Variants in SLC60A2 observed in about 807,000 individuals in gnomAD.
SLC60A2 encodes solute carrier family 60 member 2, also known as major facilitator superfamily domain containing 4B.
chr6:111,263,818 C>T, the SLC60A2 span: 16 of 1,474,030 alleles, frequency 1.1e-5, no homozygotes, highest in Non-Finnish European at 1.4e-5. Flanking sequence ...AGCTGAGTTT[C>T]TACCTTCCCA....
the SLC60A2 span, chr6:111,268,882 C>CAT: frequency 1.3e-5 from 2 of 152,130 alleles, no homozygotes; most frequent in African/African-American, 2.4e-5. Context: ...AAGGGTACTT[C>CAT]ATATATATGT....
the SLC60A2 span, chr6:111,277,895 G>C: frequency 2.0e-5 from 3 of 152,186 alleles, no homozygotes; most frequent in African/African-American, 7.2e-5. Context: ...GTCCAGCCAA[G>C]AGAATATATT....
the SLC60A2 span, among the ~76,000 whole-genome samples, chr6:111,264,798 A>G: frequency 6.6e-6 from 1 of 151,746 alleles, no homozygotes; most frequent in Non-Finnish European, 1.5e-5. Context: ...AAAAAAAAAA[A>G]AAAAACCTAC....
the SLC60A2 span, chr6:111,266,680 T>C: frequency 3.1e-6 from 5 of 1,614,210 alleles, no homozygotes; most frequent in East Asian, 4.5e-5. Context: ...CCTGCAGTCA[T>C]TGGAATTCTT....
the SLC60A2 span, among the ~76,000 whole-genome samples, chr6:111,276,218 G>A: frequency 2.0e-5 from 3 of 152,088 alleles, no homozygotes; most frequent in Admixed American, 6.5e-5. Flanking sequence ...TTGTTAATAC[G>A]CTGCTGTGAA....
chr6:111,269,409 A>G, the SLC60A2 span: 1 of 152,382 alleles, frequency 6.6e-6, no homozygotes, highest in East Asian at 1.9e-4. Flanking sequence ...CATGTTACCT[A>G]GGCTGATCTC....
At chr6:111,272,636 C>G in the SLC60A2 span, among the ~76,000 whole-genome samples, 6 of 151,536 alleles carry the variant, frequency 4.0e-5, no homozygotes, top group Non-Finnish European at 8.8e-5. Context: ...CTCAGCCACC[C>G]AAGTAGCTGG....
At chr6:111,275,399 C>T in the SLC60A2 span, among the ~76,000 whole-genome samples, 1 of 150,436 alleles carries the variant, frequency 6.6e-6, no homozygotes, top group African/African-American at 2.5e-5. Flanking sequence ...TGGCTTTTAG[C>T]TCAGAACAAC....
the SLC60A2 span, chr6:111,266,102 G>T: frequency 1.9e-6 from 3 of 1,613,980 alleles, no homozygotes; most frequent in Admixed American, 3.3e-5. Context: ...CTAATGATAA[G>T]AATTTACTGT....
At chr6:111,262,957 G>A in the SLC60A2 span, among the ~76,000 whole-genome samples, 3 of 151,684 alleles carry the variant, frequency 2.0e-5, no homozygotes, top group Non-Finnish European at 1.5e-5. Flanking sequence ...TTTTGAGACA[G>A]GGTCTCCTCT....
chr6:111,269,031 A>G, the SLC60A2 span: 11 of 152,128 alleles, frequency 7.2e-5, no homozygotes, highest in African/African-American at 2.7e-4. Context: ...TAATTTCTAT[A>G]AATTTGCCAT....
the SLC60A2 span, among the ~76,000 whole-genome samples, chr6:111,273,112 G>C: frequency 1.3e-5 from 2 of 152,134 alleles, no homozygotes; most frequent in Non-Finnish European, 2.9e-5. Flanking sequence ...GATCAGAAAT[G>C]ATTATATTTT....
the SLC60A2 span, chr6:111,264,027 G>T: frequency 1.4e-6 from 1 of 697,960 alleles, no homozygotes. Flanking sequence ...ACTGTCACTT[G>T]CAATGCCCCC....
the SLC60A2 span, among the ~76,000 whole-genome samples, chr6:111,264,486 G>A: frequency 6.6e-6 from 1 of 151,902 alleles, no homozygotes; most frequent in African/African-American, 2.4e-5. Flanking sequence ...TCATCATCAT[G>A]TCTTTTAAAA....
chr6:111,259,817 C>G, the SLC60A2 span: 11 of 1,166,822 alleles, frequency 9.4e-6, no homozygotes, highest in Admixed American at 1.1e-4. Context: ...GTTACCTAAT[C>G]TGACTGGGCC....
the SLC60A2 span, chr6:111,266,558 A>G: frequency 6.2e-7 from 1 of 1,614,220 alleles, no homozygotes; most frequent in East Asian, 2.2e-5. Flanking sequence ...ATGGGGCTTC[A>G]ATGGCAACCA....
At chr6:111,266,158 T>A in the SLC60A2 span, 1 of 1,597,598 alleles carries the variant, frequency 6.3e-7, no homozygotes, top group Non-Finnish European at 8.5e-7. Flanking sequence ...GTTTCTGTCA[T>A]TTTTTTTTGT....
At chr6:111,270,191 G>T in the SLC60A2 span, 1 of 152,118 alleles carries the variant, frequency 6.6e-6, no homozygotes, top group Non-Finnish European at 1.5e-5. Context: ...CTCTAAATGA[G>T]TCTTGTATGA....
At chr6:111,272,888 T>C in the SLC60A2 span, among the ~76,000 whole-genome samples, 1 of 152,018 alleles carries the variant, frequency 6.6e-6, no homozygotes, top group Admixed American at 6.6e-5. Flanking sequence ...TGGAGTGCAG[T>C]GGCACAATTC....
Sources: allele counts gnomAD v4.1 joint callset (sites outside exome capture counted in the v4.1 genomes callset), GRCh38; gene constraint gnomAD v4.1.1; transcripts MANE v1.5; gene names NCBI Gene and HGNC (gene_info 2026-07-23, HGNC 2026-07-21).